The following METTL14 variants were observed in gnomAD, a reference collection of about 807,000 sequenced individuals.
The protein encoded by METTL14 is methyltransferase 14, N6-adenosine-methyltransferase non-catalytic subunit.
Under a neutral mutation model 62.4 loss-of-function variants are expected in METTL14, and 32 were observed. That is an observed-to-expected ratio of 0.51 (90% CI 0.39 to 0.69). The LOEUF is 0.69. METTL14 is among the 30% of genes least tolerant of loss of function. The pLI, the probability that METTL14 is intolerant of heterozygous loss-of-function variation, is 0.00. For synonymous variants in METTL14, 150 were observed against 180.0 expected (o/e 0.83, Z 1.34); for missense variants, 340 against 551.9 (o/e 0.62, Z 3.85).
chr4:118,702,788 A>T (rs1300479224), intron 8 of METTL14, among the ~76,000 whole-genome samples: 2 of 151,702 alleles, frequency 1.3e-5, no homozygotes, highest in East Asian at 3.9e-4. Flanking sequence ...ATAAAATAAA[A>T]TTCTGAGTTT....
rs548749215 is a variant in METTL14, at chr4:118,708,234, T to C, written c.1067-1764T>C. ...GAGAGGGGAATCCCTTGGACTTCTA[T>C]AGCCAGTTTACTCTGCAAGGATTTC... is the stretch of plus-strand genomic sequence containing the variant. On this transcript the variant is annotated intron_variant, in intron 10 of 10. Transcript: ENST00000388822. Among the ~76,000 whole-genome samples the C allele has an allele frequency of 5.9e-5, 9 of 152,344 alleles. No homozygotes were observed. In the South Asian group the frequency reaches 1.9e-3, roughly 32 times the overall value.
At chr4:118,686,763 C>T (rs1724076751) in intron 1 of METTL14, 8 of 405,544 alleles carry the variant, frequency 2.0e-5, no homozygotes, top group Non-Finnish European at 3.9e-5. Context: ...ATTCAAACTT[C>T]TATTTGACTC....
chr4:118,708,086 A>G (rs933278483), intron 10 of METTL14, among the ~76,000 whole-genome samples: 1 of 152,174 alleles, frequency 6.6e-6, no homozygotes, highest in Non-Finnish European at 1.5e-5. Flanking sequence ...TGGCCTCCAA[A>G]TTGCTGGGAT....
In METTL14 at chr4:118,694,479, C is replaced by T. The variant is rs1349986805; in HGVS notation, c.456C>T (p.Leu152=). Residue 152 remains leucine, a synonymous_variant, in exon 6 of 11, where the codon CTC becomes CTT. Transcript: ENST00000388822. The part of the protein sequence containing the change: ...RFEEYPKLRE[L]IRLKDELIAK... The stretch of plus-strand genomic sequence containing the variant: ...AAGAATATCCTAAACTGAGGGAGCT[C>T]ATCAGGCTAAAGGATGAGTTAATAG... The T allele has an allele frequency of 1.9e-6, 3 of 1,613,148 alleles. No individual in the cohort carries two copies. Among genetic ancestry groups the T allele is most frequent in the Non-Finnish European group, 1.7e-6 (2 of 1,179,616 alleles).
chr4:118,691,426 CATTT>C (rs1394875992), intron 3 of METTL14, 102 bp from the exon 4 acceptor site: 7 of 603,074 alleles, frequency 1.2e-5, no homozygotes, highest in African/African-American at 5.9e-5. Context: ...TAATTTAAAA[CATTT>C]ATTAAATCTT....
At chr4:118,697,981 G>C (rs984652255) in intron 7 of METTL14, among the ~76,000 whole-genome samples, 2 of 152,072 alleles carry the variant, frequency 1.3e-5, no homozygotes, top group African/African-American at 4.8e-5. Flanking sequence ...ATCTGGTTGT[G>C]GGGTGGAGGT....
rs569762812 is a variant in METTL14 at position 118,699,331 on chromosome 4, T to G, written c.646-1219T>G. Among the ~76,000 whole-genome samples the G allele has an allele frequency of 1.1e-4, 17 of 152,276 alleles. No individual in the cohort carries two copies. The South Asian group carries it at 3.1e-3, about 28-fold the overall frequency. ...TGTATGGCTCCTATAATGTAAAAGT[T>G]TTTCCCCTTCCCTGTTTAAAGTGTT... On this transcript the variant is annotated intron_variant, in intron 7 of 10. Transcript: ENST00000388822.
intron 4 of METTL14, 81 bp from the exon 5 acceptor site, chr4:118,691,900 C>G (rs1724260188): frequency 3.4e-6 from 3 of 882,814 alleles, no homozygotes; most frequent in Non-Finnish European, 5.4e-6. Context: ...TTTATATCAC[C>G]TTGTAATAGA....
chr4:118,704,132 T>A, intron 9 of METTL14, 81 bp downstream of exon 9: 1 of 780,066 alleles, frequency 1.3e-6, no homozygotes, highest in Non-Finnish European at 2.1e-6. Flanking sequence ...ACTGTTTAAT[T>A]AACTTCAGTG....
At chr4:118,708,656 T>C (rs905465036) in intron 10 of METTL14, among the ~76,000 whole-genome samples, 4 of 152,236 alleles carry the variant, frequency 2.6e-5, no homozygotes, top group African/African-American at 7.2e-5. Context: ...TTTTAGAATG[T>C]GATCCTAGTG....
chr4:118,704,899 G>A lies in METTL14; in HGVS notation c.856-712G>A, dbSNP rs532479342. Among the ~76,000 whole-genome samples the A allele has an allele frequency of 2.5e-4, 38 of 152,316 alleles. No individual in the cohort carries two copies. The South Asian group carries it at 6.6e-3, about 27-fold the overall frequency. ...GAAGCACAGGTGACAATCTGGACTT[G>A]TGATTGGTATCTGAAGGTGGGGCAT... is the stretch of plus-strand genomic sequence containing the variant. On this transcript the variant is annotated intron_variant, in intron 9 of 10. Coordinates refer to ENST00000388822, the MANE Select transcript of METTL14 (RefSeq NM_020961.4).
chr4:118,705,714 A>G lies in METTL14; in HGVS notation c.959A>G (p.Glu320Gly). Residue 320 changes from glutamate to glycine, a missense_variant, in exon 10 of 11, where the codon GAA (glutamate) becomes GGA (glycine). This residue lies in a region of METTL14 where 62 missense variants were observed against 82.3 expected (regional missense o/e 0.75). Transcript: ENST00000388822. ...GACTTAATTATCACAGAAGAACCTG[A>G]AATTGGCAATATAGAAAAACCTGTA... ...DIDLIITEEP[E>G]IGNIEKPVEI... The G allele has an allele frequency of 6.2e-7, 1 of 1,614,102 alleles. No individual in the cohort carries two copies.
At chr4:118,697,723 G>A (rs1255080619) in intron 7 of METTL14, among the ~76,000 whole-genome samples, 1 of 152,106 alleles carries the variant, frequency 6.6e-6, no homozygotes, top group Admixed American at 6.6e-5. Context: ...ACAGCTTACA[G>A]TGTAGTAAAG....
chr4:118,707,191 A>G (rs965807007), intron 10 of METTL14, among the ~76,000 whole-genome samples: 1 of 152,182 alleles, frequency 6.6e-6, no homozygotes, highest in African/African-American at 2.4e-5. Context: ...CTTGTAAACT[A>G]CTAGTACAAA....
Position 118,714,752 on chromosome 4 carries a change from AATTTTAGT to A in METTL14, c.*4454_*4461del, listed in dbSNP as rs1560888179. ...CAGGTGCCCACCACCACACCCAGCT[AATTTTAGT>A]ATTCTTAGTAGAGACAGGATTTCAC... On this transcript the variant is annotated 3_prime_UTR_variant, in exon 11 of 11. Coordinates refer to ENST00000388822, the MANE Select transcript of METTL14 (RefSeq NM_020961.4). The A allele has an allele frequency of 6.6e-6, 1 of 152,188 alleles. No homozygotes were observed. The highest frequency in any genetic ancestry group is 1.5e-5 in the Non-Finnish European group (1 of 68,056). 9.4% of individuals were successfully genotyped at this position (152,188 alleles called of 1,614,324 possible).
chr4:118,692,369 C>T (rs1724276744), intron 5 of METTL14, among the ~76,000 whole-genome samples: 1 of 151,884 alleles, frequency 6.6e-6, no homozygotes, highest in Non-Finnish European at 1.5e-5. Flanking sequence ...GCTGGGATTA[C>T]AGGCACCCCC....
chr4:118,706,443 C>A (rs951241197), intron 10 of METTL14, among the ~76,000 whole-genome samples: 1 of 152,152 alleles, frequency 6.6e-6, no homozygotes, highest in African/African-American at 2.4e-5. Context: ...CTTTTTAGTG[C>A]CGAATAATAT....
intron 10 of METTL14, among the ~76,000 whole-genome samples, chr4:118,706,867 CTG>C (rs1376123463): frequency 6.6e-6 from 1 of 152,130 alleles, no homozygotes; most frequent in African/African-American, 2.4e-5. Context: ...TATTTACTAT[CTG>C]TATGCCTTTT....
rs1172288020 is a variant in METTL14 at position 118,711,624 on chromosome 4, G to GA, written c.*1324dup. ...ACCAAAGACTCAGTTTGAAGATAAG[G>GA]AATGAGTGATAGAAGAAATAAGGCT... is the stretch of plus-strand genomic sequence containing the variant. On this transcript the variant is annotated 3_prime_UTR_variant, in exon 11 of 11. Coordinates refer to ENST00000388822, the MANE Select transcript of METTL14 (RefSeq NM_020961.4). 1 of 152,100 alleles carries GA rather than the reference G, an allele frequency of 6.6e-6. No individual in the cohort carries two copies. The highest frequency in any genetic ancestry group is 1.5e-5 in the Non-Finnish European group (1 of 68,018). 9.4% of individuals were successfully genotyped at this position (152,100 alleles called of 1,614,324 possible).
Sources: allele counts gnomAD v4.1 joint callset (sites outside exome capture counted in the v4.1 genomes callset), GRCh38; gene constraint gnomAD v4.1.1; regional missense constraint gnomAD v4.1.1; transcripts MANE v1.5; gene names NCBI Gene and HGNC (gene_info 2026-07-23, HGNC 2026-07-21).